Variants in SEPTIN7 observed in about 807,000 individuals in gnomAD.
SEPTIN7 encodes the protein septin-7.
In SEPTIN7, 10 loss-of-function variants were observed where a neutral mutation model predicts 63.3. The observed-to-expected ratio is 0.16, with a 90% confidence interval of 0.10 to 0.27. The LOEUF (loss-of-function observed/expected upper bound fraction) is 0.27. SEPTIN7 is among the 10% of genes least tolerant of loss of function. The probability of loss-of-function intolerance (pLI) is 1.00; values close to 1 mark genes in which losing one functional copy is unlikely to be tolerated. For missense variants in SEPTIN7, 310 were observed against 521.0 expected (o/e 0.59, Z 3.94); for synonymous variants, 131 against 165.3 (o/e 0.79, Z 1.59).
At chr7:35,888,681 G>A (rs999481113) in intron 10 of SEPTIN7, 15 of 177,372 alleles carry the variant, frequency 8.5e-5, no homozygotes, top group East Asian at 3.1e-4. Flanking sequence ...ATAGTCGGGC[G>A]TGGTGGTGCA....
chr7:35,884,058 G>A lies in SEPTIN7; in HGVS notation c.820+71G>A, dbSNP rs3735408. The A allele has an allele frequency of 2.8e-4, 251 of 911,140 alleles. No individual in the cohort carries two copies. In the East Asian group the frequency reaches 4.7e-3, roughly 17 times the overall value. The allele number at this position is 911,140 out of a possible 1,614,324, so 56.4% of individuals were successfully genotyped here. ...GATTAAAAATTTGTATTTATAGTAA[G>A]TAGTACAGTATGCACACTGTATTGA... On this transcript the variant is annotated intron_variant, in intron 9 of 13. Coordinates refer to ENST00000350320, the MANE Select transcript of SEPTIN7 (RefSeq NM_001788.6).
At chr7:35,911,125 G>C (rs543310930), downstream of SEPTIN7, among the ~76,000 whole-genome samples, 1 of 152,302 alleles carries the variant, frequency 6.6e-6, no homozygotes, top group Admixed American at 6.5e-5. Context: ...CCTGGGGACA[G>C]ACCAAGAAGC....
At chr7:35,827,092 A>G (rs927400334) in intron 1 of SEPTIN7, among the ~76,000 whole-genome samples, 2 of 152,202 alleles carry the variant, frequency 1.3e-5, no homozygotes, top group African/African-American at 4.8e-5. Flanking sequence ...TTTCTTAACT[A>G]TGCTTTTAAC....
intron 13 of SEPTIN7, 44 bp from the exon 14 acceptor site, chr7:35,904,210 A>G: frequency 7.0e-7 from 1 of 1,437,186 alleles, no homozygotes; most frequent in Non-Finnish European, 9.4e-7. Flanking sequence ...TATCATGTTT[A>G]TAAAATGGTT....
intron 1 of SEPTIN7, among the ~76,000 whole-genome samples, chr7:35,807,808 A>C (rs1788449319): frequency 6.8e-6 from 1 of 147,800 alleles, no homozygotes; most frequent in African/African-American, 2.5e-5. Flanking sequence ...GCTTTTTAAA[A>C]ATTTTATTGG....
intron 3 of SEPTIN7, among the ~76,000 whole-genome samples, chr7:35,855,077 G>T (rs1562551429): frequency 6.6e-6 from 1 of 152,184 alleles, no homozygotes; most frequent in East Asian, 1.9e-4. Context: ...TTAAATTGGT[G>T]CAAGTCTTTT....
At chr7:35,878,381 T>A (rs944904552) in intron 6 of SEPTIN7, among the ~76,000 whole-genome samples, 1 of 152,146 alleles carries the variant, frequency 6.6e-6, no homozygotes, top group African/African-American at 2.4e-5. Context: ...TCAGAAAGGC[T>A]GGCACATTGG....
intron 3 of SEPTIN7, among the ~76,000 whole-genome samples, chr7:35,834,645 A>G (rs1486011137): frequency 2.6e-5 from 4 of 152,098 alleles, no homozygotes; most frequent in Non-Finnish European, 5.9e-5. Context: ...ATTTGAATAG[A>G]TATATTGAGT....
chr7:35,831,644 T>A (rs1783839323), intron 2 of SEPTIN7, 148 bp downstream of exon 2: 1 of 237,160 alleles, frequency 4.2e-6, no homozygotes, highest in Middle Eastern at 5.2e-4. Context: ...ATATTTGACT[T>A]AAAAATGTTA....
intron 1 of SEPTIN7, among the ~76,000 whole-genome samples, chr7:35,808,443 C>T (rs1045467118): frequency 6.6e-6 from 1 of 152,164 alleles, no homozygotes; most frequent in African/African-American, 2.4e-5. Context: ...TTCTTTTATA[C>T]AGCTGCATAA....
intron 3 of SEPTIN7, among the ~76,000 whole-genome samples, chr7:35,855,004 G>A (rs970266686): frequency 5.3e-5 from 8 of 151,916 alleles, no homozygotes; most frequent in Non-Finnish European, 1.0e-4. Context: ...AAGATATTTA[G>A]TAAAAAGCAA....
intron 3 of SEPTIN7, 82 bp downstream of exon 3, chr7:35,832,982 C>G: frequency 1.2e-6 from 1 of 802,746 alleles, no homozygotes; most frequent in Non-Finnish European, 2.2e-6. Flanking sequence ...TAAGAAAACA[C>G]TGGCACAGAT....
intron 3 of SEPTIN7, among the ~76,000 whole-genome samples, chr7:35,856,774 C>T (rs1472456085): frequency 2.0e-5 from 3 of 152,100 alleles, no homozygotes; most frequent in Non-Finnish European, 2.9e-5. Context: ...TGGTTACTTT[C>T]CTTATTTCTC....
chr7:35,887,011 G>A (rs966775025), intron 10 of SEPTIN7, among the ~76,000 whole-genome samples: 1 of 152,226 alleles, frequency 6.6e-6, no homozygotes, highest in Admixed American at 6.5e-5. Flanking sequence ...GCCTCACTTA[G>A]TGGAGAAGAG....
Position 35,832,884 on chromosome 7 carries a change from C to T in SEPTIN7, c.153C>T (p.Phe51=). The change falls in exon 3 of 14, where the codon TTC becomes TTT. Residue 51 remains phenylalanine (F), a synonymous_variant. Transcript: ENST00000350320. The part of the protein sequence containing the change: ...YRKSVKRGFE[F]TLMVVGESGL... Reference sequence around the variant, plus strand: ...AATCGGTGAAGAGAGGTTTTGAATTCACGCTTATGGTAGTGGGTAAGATAT... The same window carrying T: ...AATCGGTGAAGAGAGGTTTTGAATTTACGCTTATGGTAGTGGGTAAGATAT... 1 of 1,596,938 alleles carries T rather than the reference C, an allele frequency of 6.3e-7. No individual in the cohort carries two copies. Among genetic ancestry groups the T allele is most frequent in the East Asian group, 2.2e-5 (1 of 44,734 alleles).
intron 10 of SEPTIN7, among the ~76,000 whole-genome samples, chr7:35,889,542 A>G (rs1040931732): frequency 3.3e-5 from 5 of 152,160 alleles, no homozygotes; most frequent in Non-Finnish European, 7.4e-5. Flanking sequence ...CAGTACAACA[A>G]TACACTTTTT....
intron 7 of SEPTIN7, among the ~76,000 whole-genome samples, chr7:35,880,223 C>CTTTTTTTTTTTTTTTTTTTTT: frequency 1.5e-3 from 112 of 72,806 alleles, no homozygotes; most frequent in Middle Eastern, 9.4e-3. Context: ...TTTTTCTTTT[C>CTTTTTTTTTTTTTTTTTTTTT]TTTTTTTTTT....
intron 1 of SEPTIN7, among the ~76,000 whole-genome samples, chr7:35,828,900 C>T (rs1195775275): frequency 1.3e-5 from 2 of 152,150 alleles, no homozygotes; most frequent in Non-Finnish European, 2.9e-5. Context: ...TTTGGAATTA[C>T]AAGCATGAAC....
intron 3 of SEPTIN7, among the ~76,000 whole-genome samples, chr7:35,833,117 A>G (rs1206735173): frequency 6.6e-6 from 1 of 152,040 alleles, no homozygotes; most frequent in Admixed American, 6.5e-5. Context: ...AAGTTGAGAA[A>G]TGGTGGGTGA....
Sources: gnomAD v4.1 joint callset for allele counts (sites outside exome capture counted in the v4.1 genomes callset) on GRCh38, gnomAD v4.1.1 for gene constraint, MANE v1.5 for transcripts, NCBI Gene and HGNC (gene_info 2026-07-23, HGNC 2026-07-21) for gene names.